Variants in ALDH2 observed in about 807,000 individuals in gnomAD.
The protein encoded by ALDH2 is aldehyde dehydrogenase 2 family member.
In ALDH2, 44 loss-of-function variants were observed where a neutral mutation model predicts 59.6. That is an observed-to-expected ratio of 0.74 (90% CI 0.58 to 0.95). The LOEUF (loss-of-function observed/expected upper bound fraction) is 0.95, where lower values mean the gene tolerates loss of function less well. ALDH2 is among the 40% of genes least tolerant of loss of function. The pLI is 0.00. For synonymous variants in ALDH2, 291 were observed against 284.0 expected (o/e 1.02, Z -0.25); for missense variants, 570 against 696.3 (o/e 0.82, Z 2.04).
intron 1 of ALDH2, among the ~76,000 whole-genome samples, chr12:111,776,307 TCTAGAACACTGCAGGAC>T (rs1339855561): frequency 6.6e-6 from 1 of 152,124 alleles, no homozygotes; most frequent in African/African-American, 2.4e-5. Context: ...AGCTGCAGGA[TCTAGAACACTGCAGGAC>T]CCCCTGCGGG....
chr12:111,786,062 T>C (rs2136015338), intron 4 of ALDH2, among the ~76,000 whole-genome samples: 1 of 152,342 alleles, frequency 6.6e-6, no homozygotes, highest in South Asian at 2.1e-4. Context: ...AGCTAAAGGT[T>C]TGTCCATTTT....
rs1354519177 is a variant in ALDH2 at position 111,810,067 on chromosome 12, C to T, written c.*492C>T. 6 of 178,892 alleles carry T rather than the reference C, an allele frequency of 3.4e-5. No individual in the cohort carries two copies. Among genetic ancestry groups the T allele is most frequent in the African/African-American group, 7.1e-5 (3 of 42,058 alleles). 11.1% of individuals were successfully genotyped at this position (178,892 alleles called of 1,614,324 possible). ...CCTGTAATCCCAGCACTTTGGGAAGCCGAGGCGGGTGGATCACTCGAGGTC... is the reference window on the plus strand; with the variant it reads ...CCTGTAATCCCAGCACTTTGGGAAGTCGAGGCGGGTGGATCACTCGAGGTC... On this transcript the variant is annotated 3_prime_UTR_variant, in exon 13 of 13. Transcript: ENST00000261733.
chr12:111,772,769 G>T (rs1193388536), intron 1 of ALDH2, among the ~76,000 whole-genome samples: 1 of 151,282 alleles, frequency 6.6e-6, no homozygotes, highest in African/African-American at 2.4e-5. Flanking sequence ...AAACTCTTGG[G>T]CTGAAGCGAT....
intron 11 of ALDH2, among the ~76,000 whole-genome samples, chr12:111,800,805 A>G (rs2068445820): frequency 6.6e-6 from 1 of 152,216 alleles, no homozygotes. Context: ...TGACCCAGCA[A>G]TTCCACTCCT....
In ALDH2 at chr12:111,792,594, G is replaced by A. The variant is rs368364470; in HGVS notation, c.899-4G>A. On this transcript the variant is annotated splice_polypyrimidine_tract_variant and splice_region_variant and intron_variant, in intron 8 of 12. Transcript: ENST00000261733. ...CCTTTCTGTCTCCTGCCCACTTCCC[G>A]CAGTGGATTGGGCCGTGGAACAGGC... 9.6e-5 allele frequency: 155 copies of A among 1,609,680 alleles called. No homozygotes were observed. Among genetic ancestry groups the A allele is most frequent in the South Asian group, 6.9e-4 (63 of 90,896 alleles).
intron 12 of ALDH2, among the ~76,000 whole-genome samples, chr12:111,809,237 T>C (rs1486690607): frequency 6.6e-6 from 1 of 152,116 alleles, no homozygotes; most frequent in Non-Finnish European, 1.5e-5. Flanking sequence ...GCGGAACGCT[T>C]GAGCCCAGGA....
At chr12:111,793,977 C>T (rs981746986) in intron 9 of ALDH2, among the ~76,000 whole-genome samples, 2 of 151,388 alleles carry the variant, frequency 1.3e-5, no homozygotes, top group Non-Finnish European at 2.9e-5. Flanking sequence ...CTATTCTTCC[C>T]TCTTTTCCTC....
intron 12 of ALDH2, among the ~76,000 whole-genome samples, chr12:111,805,404 A>G (rs1274869824): frequency 6.6e-6 from 1 of 151,600 alleles, no homozygotes; most frequent in Non-Finnish European, 1.5e-5. Context: ...AGCTCACTGC[A>G]GCCTCCACCT....
intron 9 of ALDH2, among the ~76,000 whole-genome samples, chr12:111,796,116 A>C (rs528211578): frequency 1.3e-5 from 2 of 151,276 alleles, no homozygotes; most frequent in Admixed American, 6.6e-5. Flanking sequence ...AAAAAATGCA[A>C]ATCATGACCA....
At position 111,783,207 on chromosome 12, in the gene ALDH2, G is replaced by T. The variant is rs758376495; in HGVS notation, c.269G>T (p.Gly90Val). 1.9e-6 allele frequency: 3 copies of T among 1,613,242 alleles called. No homozygotes were observed. The East Asian group carries it at 6.7e-5, about 36-fold the overall frequency. The change falls in exon 3 of 13, where the codon GGC becomes GTC. Residue 90 changes from glycine to valine, a missense_variant. Coordinates refer to ENST00000261733, the MANE Select transcript of ALDH2 (RefSeq NM_000690.4). The stretch of plus-strand genomic sequence containing the variant: ...GCCGCCCGGGCCGCCTTCCAGCTGG[G>T]CTCACCTTGGCGCCGCATGGACGCA... The part of the protein sequence containing the change: ...VKAARAAFQL[G>V]SPWRRMDASH...
At chr12:111,802,899 A>AAAG (rs1378050527) in intron 11 of ALDH2, among the ~76,000 whole-genome samples, 1 of 143,414 alleles carries the variant, frequency 7.0e-6, no homozygotes, top group East Asian at 2.1e-4. Flanking sequence ...AAAAAAAAGA[A>AAAG]AATTAAAAAT....
At position 111,814,879 on chromosome 12, in the gene ALDH2, C is replaced by T. The variant is rs374672059; in HGVS notation, c.*5304C>T. ...TAAATGCTATGTTATGTGAATTTCA[C>T]CTCAACTGAAAAAAACAGGGTCCCA... is the stretch of plus-strand genomic sequence containing the variant. On this transcript the variant is annotated 3_prime_UTR_variant, in exon 13 of 13. Transcript: ENST00000261733. 4.0e-5 allele frequency: 6 copies of T among 151,724 alleles called. No individual in the cohort carries two copies. The highest frequency in any genetic ancestry group is 1.5e-4 in the African/African-American group (6 of 41,376). The allele number at this position is 151,724 out of a possible 1,614,324, so 9.4% of individuals were successfully genotyped here. A position where few individuals can be genotyped will look rare whatever the true frequency, so the allele number is the denominator to read the frequency against.
chr12:111,804,016 T>C, intron 12 of ALDH2, 43 bp downstream of exon 12: 1 of 1,463,174 alleles, frequency 6.8e-7, no homozygotes, highest in Non-Finnish European at 9.3e-7. Flanking sequence ...TGTTGGGGCT[T>C]GAGGGTCTGC....
chr12:111,776,178 T>C (rs2068233217), intron 1 of ALDH2, among the ~76,000 whole-genome samples: 3 of 152,196 alleles, frequency 2.0e-5, no homozygotes. Context: ...CCTTCCTACT[T>C]CCTGATCTTT....
chr12:111,801,510 C>A (rs780096982), intron 11 of ALDH2, among the ~76,000 whole-genome samples: 7 of 151,852 alleles, frequency 4.6e-5, no homozygotes, highest in Non-Finnish European at 1.0e-4. Flanking sequence ...ACCAGCCTGG[C>A]CAACATGGTG....
At chr12:111,791,160 A>G (rs2068355649) in intron 6 of ALDH2, 146 bp from the exon 7 acceptor site, 4 of 633,810 alleles carry the variant, frequency 6.3e-6, no homozygotes, top group African/African-American at 1.8e-5. Flanking sequence ...TAGAATTCCC[A>G]TGTAGTGCCC....
At chr12:111,782,993 C>T (rs757859004) in intron 2 of ALDH2, among the ~76,000 whole-genome samples, 165 bp from the exon 3 acceptor site, 2 of 152,186 alleles carry the variant, frequency 1.3e-5, no homozygotes, top group Non-Finnish European at 2.9e-5. Flanking sequence ...TTGCTGAAGT[C>T]TGGTGCTCAT....
At chr12:111,793,639 A>G (rs1309902571) in intron 9 of ALDH2, among the ~76,000 whole-genome samples, 1 of 151,758 alleles carries the variant, frequency 6.6e-6, no homozygotes, top group East Asian at 1.9e-4. Flanking sequence ...TCTGTCACCC[A>G]GGCTGCAGTG....
chr12:111,782,107 ATG>A, intron 2 of ALDH2, 85 bp downstream of exon 2: 1 of 1,031,228 alleles, frequency 9.7e-7, no homozygotes, highest in Non-Finnish European at 1.5e-6. Flanking sequence ...TTTACCATAT[ATG>A]TGTATTACTT....
Sources: gnomAD v4.1 joint callset for allele counts (sites outside exome capture counted in the v4.1 genomes callset) on GRCh38, gnomAD v4.1.1 for gene constraint, MANE v1.5 for transcripts, NCBI Gene and HGNC (gene_info 2026-07-23, HGNC 2026-07-21) for gene names.